HCN1: variants seen among roughly 807,000 people sequenced by gnomAD.
The protein encoded by HCN1 is hyperpolarization activated cyclic nucleotide gated potassium channel 1, also known as potassium/sodium hyperpolarization-activated cyclic nucleotide-gated channel 1.
A neutral mutation model predicts 78.9 loss-of-function variants in HCN1; 13 were observed. The observed-to-expected ratio is 0.16, with a 90% CI of 0.11 to 0.26. HCN1 has a LOEUF of 0.26. Ranked by LOEUF, HCN1 falls within the 10% of genes least tolerant of loss-of-function variation. The probability of loss-of-function intolerance (pLI) is 1.00; values close to 1 mark genes in which losing one functional copy is unlikely to be tolerated. For synonymous variants in HCN1, 552 were observed against 455.5 expected, an observed-to-expected ratio of 1.21 and a Z score of -2.70; for missense variants, 810 against 1,154.3, an observed-to-expected ratio of 0.70 and a Z score of 4.32.
chr5:45,658,964 G>GGCCT (rs1745854978), intron 1 of HCN1, among the ~76,000 whole-genome samples: 1 of 147,484 alleles, frequency 6.8e-6, no homozygotes, highest in African/African-American at 2.5e-5. Context: ...AGCTCAAGGA[G>GGCCT]GCCTGCCTGC....
intron 1 of HCN1, among the ~76,000 whole-genome samples, chr5:45,680,306 G>A (rs922278107): frequency 6.6e-6 from 1 of 152,046 alleles, no homozygotes; most frequent in Non-Finnish European, 1.5e-5. Context: ...GTGTAACAAT[G>A]AACAAGTAAA....
intron 7 of HCN1, among the ~76,000 whole-genome samples, chr5:45,264,256 G>A (rs1744810127): frequency 6.6e-6 from 1 of 152,156 alleles, no homozygotes; most frequent in Admixed American, 6.5e-5. Flanking sequence ...CTTCTGAGTG[G>A]TTTGCAATAC....
At chr5:45,632,463 T>C (rs1745284652) in intron 2 of HCN1, among the ~76,000 whole-genome samples, 3 of 151,990 alleles carry the variant, frequency 2.0e-5, no homozygotes. Context: ...GTAAAAGTGG[T>C]TTTAAAAATT....
chr5:45,385,711 G>C (rs2112029841), intron 4 of HCN1, among the ~76,000 whole-genome samples: 1 of 152,280 alleles, frequency 6.6e-6, no homozygotes, highest in East Asian at 1.9e-4. Flanking sequence ...AAAAATCGGA[G>C]GAATTAAATA....
chr5:45,606,855 A>G (rs930247606), intron 2 of HCN1, among the ~76,000 whole-genome samples: 1 of 152,018 alleles, frequency 6.6e-6, no homozygotes, highest in Admixed American at 6.6e-5. Flanking sequence ...ATTTAAAACT[A>G]AGGAATGATA....
At chr5:45,576,600 G>C (rs1743952608) in intron 2 of HCN1, 1 of 152,080 alleles carries the variant, frequency 6.6e-6, no homozygotes, top group Non-Finnish European at 1.5e-5. Context: ...AGTATCACTA[G>C]TTGAAGGCTC....
chr5:45,265,064 C>T (rs1744830363), intron 7 of HCN1, among the ~76,000 whole-genome samples: 1 of 152,024 alleles, frequency 6.6e-6, no homozygotes, highest in Non-Finnish European at 1.5e-5. Flanking sequence ...GCAGTGCACA[C>T]CTGCAGTCCC....
chr5:45,324,205 T>C (rs1191396488), intron 5 of HCN1, among the ~76,000 whole-genome samples: 2 of 151,802 alleles, frequency 1.3e-5, no homozygotes, highest in African/African-American at 4.8e-5. Flanking sequence ...AACCACAATC[T>C]GAGTGAAGAG....
At chr5:45,315,122 C>A (rs1168849132) in intron 5 of HCN1, among the ~76,000 whole-genome samples, 2 of 152,184 alleles carry the variant, frequency 1.3e-5, no homozygotes, top group African/African-American at 4.8e-5. Context: ...TTCTTCTCAG[C>A]ACCACATCAC....
intron 3 of HCN1, among the ~76,000 whole-genome samples, chr5:45,439,108 A>T (rs1476996446): frequency 6.6e-6 from 1 of 152,122 alleles, no homozygotes; most frequent in Non-Finnish European, 1.5e-5. Flanking sequence ...CTCACTCGTG[A>T]TTATATTTTT....
intron 2 of HCN1, among the ~76,000 whole-genome samples, chr5:45,570,459 T>C (rs1743803187): frequency 6.6e-6 from 1 of 152,120 alleles, no homozygotes; most frequent in African/African-American, 2.4e-5. Flanking sequence ...CCATACTACC[T>C]TACCAGCTGG....
At chr5:45,524,254 GT>G (rs1316018785) in intron 2 of HCN1, among the ~76,000 whole-genome samples, 2 of 152,066 alleles carry the variant, frequency 1.3e-5, no homozygotes, top group African/African-American at 4.8e-5. Flanking sequence ...TGCTGTTTTG[GT>G]TACTGTAGCC....
At chr5:45,512,253 C>T (rs1157526407) in intron 2 of HCN1, among the ~76,000 whole-genome samples, 1 of 152,032 alleles carries the variant, frequency 6.6e-6, no homozygotes, top group African/African-American at 2.4e-5. Context: ...ATGCTATTTG[C>T]TAGGAACACT....
intron 2 of HCN1, among the ~76,000 whole-genome samples, chr5:45,524,056 T>C (rs1742674327): frequency 6.6e-6 from 1 of 152,252 alleles, no homozygotes. Context: ...AAGGAAGGGA[T>C]CCAGTTTCAG....
intron 2 of HCN1, among the ~76,000 whole-genome samples, chr5:45,540,084 G>C (rs932681460): frequency 6.6e-6 from 1 of 151,272 alleles, no homozygotes; most frequent in Admixed American, 6.6e-5. Context: ...TTTGCAAATA[G>C]TGCTATTTAT....
chr5:45,382,698 G>T (rs1747833921), intron 4 of HCN1, among the ~76,000 whole-genome samples: 1 of 152,134 alleles, frequency 6.6e-6, no homozygotes, highest in South Asian at 2.1e-4. Flanking sequence ...AACACCTGAT[G>T]AATTAATGAA....
rs770074008 is a variant in HCN1 at position 45,262,160 on chromosome 5, G to A, written c.2434C>T (p.Leu812=). 2 of 1,613,944 alleles carry A rather than the reference G, an allele frequency of 1.2e-6. No homozygotes were observed. The highest frequency in any genetic ancestry group is 1.1e-5 in the South Asian group (1 of 91,088). The change falls in exon 8 of 8, where the codon CTG becomes TTG. Residue 812 remains leucine (L), a synonymous_variant. Coordinates refer to ENST00000303230, the MANE Select transcript of HCN1 (RefSeq NM_021072.4). ...GTCACGGGTTGAGGGATGGAGGCCAGGGACTCGCCCACAGTGGGATGAGGT... is the reference window on the plus strand; with the variant it reads ...GTCACGGGTTGAGGGATGGAGGCCAAGGACTCGCCCACAGTGGGATGAGGT... ...SRPHPTVGES[L]ASIPQPVTAV...
chr5:45,426,699 G>A (rs1740354734), intron 3 of HCN1, among the ~76,000 whole-genome samples: 1 of 152,124 alleles, frequency 6.6e-6, no homozygotes. Flanking sequence ...TTAGCAGCAT[G>A]AGAACGAACT....
At chr5:45,446,644 C>T (rs988046098) in intron 3 of HCN1, among the ~76,000 whole-genome samples, 21 of 152,270 alleles carry the variant, frequency 1.4e-4, no homozygotes, top group African/African-American at 5.1e-4. Flanking sequence ...AGAGAAAGGT[C>T]CGGTTACCCT....
Sources: allele counts gnomAD v4.1 joint callset (sites outside exome capture counted in the v4.1 genomes callset), GRCh38; gene constraint gnomAD v4.1.1; transcripts MANE v1.5; gene names NCBI Gene and HGNC (gene_info 2026-07-23, HGNC 2026-07-21).